The following MECOM variants were observed in gnomAD, a reference collection of about 807,000 sequenced individuals.
MECOM encodes MDS1 and EVI1 complex locus.
Under a neutral mutation model 116.3 loss-of-function variants are expected in MECOM, and 13 were observed. The ratio of observed to expected loss-of-function variants is 0.11; its 90% CI spans 0.07 to 0.18. MECOM has a LOEUF of 0.18. MECOM is among the 10% of genes least tolerant of loss of function. MECOM has a pLI of 1.00. For synonymous variants in MECOM, 528 were observed against 535.2 expected, an observed-to-expected ratio of 0.99 and a Z score of 0.19; for missense variants, 1,299 against 1,509.0, an observed-to-expected ratio of 0.86 and a Z score of 2.31.
intron 2 of MECOM, among the ~76,000 whole-genome samples, chr3:169,294,890 C>T (rs1442742031): frequency 1.3e-5 from 2 of 152,148 alleles, no homozygotes; most frequent in African/African-American, 4.8e-5. Flanking sequence ...CCCATGCCTG[C>T]TTCACTCACC....
chr3:169,129,547 G>C (rs986293679), intron 4 of MECOM, among the ~76,000 whole-genome samples: 1 of 151,876 alleles, frequency 6.6e-6, no homozygotes, highest in Non-Finnish European at 1.5e-5. Flanking sequence ...GGATTTAGAG[G>C]GTCGAGAGAG....
At chr3:169,560,452 T>A (rs1307862114) in intron 1 of MECOM, among the ~76,000 whole-genome samples, 1 of 152,186 alleles carries the variant, frequency 6.6e-6, no homozygotes, top group Non-Finnish European at 1.5e-5. Flanking sequence ...ACTTTTAATA[T>A]TTAACAATGC....
At chr3:169,573,141 CTCACCCTCTGCTTTCACAGACCTCT>C (rs1764118597) in intron 1 of MECOM, among the ~76,000 whole-genome samples, 1 of 152,192 alleles carries the variant, frequency 6.6e-6, no homozygotes, top group South Asian at 2.1e-4. Flanking sequence ...GCTTCTCCCC[CTCACCCTCTGCTTTCACAGACCTCT>C]TCCACATCAG....
intron 2 of MECOM, among the ~76,000 whole-genome samples, chr3:169,295,276 G>C (rs1715382017): frequency 6.6e-6 from 1 of 152,070 alleles, no homozygotes. Flanking sequence ...ATTTAAAAGG[G>C]TTAAAAAAAG....
At chr3:169,203,502 T>C (rs1749478656) in intron 2 of MECOM, among the ~76,000 whole-genome samples, 1 of 152,122 alleles carries the variant, frequency 6.6e-6, no homozygotes, top group Non-Finnish European at 1.5e-5. Context: ...TATAATAATG[T>C]CAATGAGGTA....
At chr3:169,542,873 C>A (rs944567370) in intron 1 of MECOM, among the ~76,000 whole-genome samples, 4 of 152,298 alleles carry the variant, frequency 2.6e-5, no homozygotes, top group East Asian at 3.9e-4. Context: ...AAAGTTGAAG[C>A]AACTCCAAAC....
intron 1 of MECOM, among the ~76,000 whole-genome samples, chr3:169,621,281 C>T (rs1048685797): frequency 9.2e-5 from 14 of 152,124 alleles, no homozygotes; most frequent in Admixed American, 2.0e-4. Context: ...ATAGAATGGG[C>T]ATATTAATAG....
intron 2 of MECOM, among the ~76,000 whole-genome samples, chr3:169,192,494 T>C (rs563357777): frequency 3.9e-5 from 6 of 152,046 alleles, no homozygotes; most frequent in Non-Finnish European, 8.8e-5. Flanking sequence ...TGCTATGTTC[T>C]ATTATCCTAT....
At chr3:169,096,960 C>A (rs1721679146) in intron 12 of MECOM, among the ~76,000 whole-genome samples, 1 of 36,280 alleles carries the variant, frequency 2.8e-5, no homozygotes, top group South Asian at 5.0e-4. Flanking sequence ...AATATTTTAG[C>A]CCCAGTTTTT....
chr3:169,507,137 G>A (rs1349827056), intron 1 of MECOM, among the ~76,000 whole-genome samples: 1 of 152,188 alleles, frequency 6.6e-6, no homozygotes, highest in African/African-American at 2.4e-5. Flanking sequence ...TATACATTGG[G>A]TGTTAGCACT....
Position 169,116,348 on chromosome 3 carries a change from A to C in MECOM, c.1524T>G (p.Ala508=). Residue 508 remains alanine (A), a synonymous_variant, in exon 8 of 17, where the codon GCT becomes GCG. Coordinates refer to ENST00000651503, the MANE Select transcript of MECOM (RefSeq NM_004991.4). ...GLYHRPPLIP[A]SSPVKGLSST... is the part of the protein sequence containing the mutation. ...TTGATAGTCCTTTAACAGGAGAACTAGCAGGTATCAAAGGAGGCCTGTGGT... is the reference window on the plus strand; with the variant it reads ...TTGATAGTCCTTTAACAGGAGAACTCGCAGGTATCAAAGGAGGCCTGTGGT... 1 of 1,614,242 alleles carries C rather than the reference A, an allele frequency of 6.2e-7. No individual in the cohort carries two copies. Among genetic ancestry groups the C allele is most frequent in the East Asian group, 2.2e-5 (1 of 44,886 alleles).
At chr3:169,599,974 T>G (rs1457752731) in intron 1 of MECOM, among the ~76,000 whole-genome samples, 1 of 152,172 alleles carries the variant, frequency 6.6e-6, no homozygotes, top group Non-Finnish European at 1.5e-5. Flanking sequence ...ACCTCTTGAC[T>G]TACTTTTTTT....
chr3:169,336,921 A>G (rs1487414642), intron 2 of MECOM, among the ~76,000 whole-genome samples: 1 of 152,196 alleles, frequency 6.6e-6, no homozygotes, highest in African/African-American at 2.4e-5. Context: ...TGATAGAAAC[A>G]TCTCAGTAAC....
intron 1 of MECOM, among the ~76,000 whole-genome samples, chr3:169,580,646 G>A (rs1431258673): frequency 2.0e-5 from 3 of 152,116 alleles, no homozygotes; most frequent in African/African-American, 7.2e-5. Flanking sequence ...GAGGCTGGGA[G>A]AGACTCTCAT....
intron 2 of MECOM, among the ~76,000 whole-genome samples, chr3:169,205,052 C>T (rs531246024): frequency 5.3e-5 from 8 of 152,280 alleles, no homozygotes; most frequent in Non-Finnish European, 1.2e-4. Flanking sequence ...GTTTAAATCA[C>T]TCCCTGTCTT....
At chr3:169,273,035 G>T (rs1473313394) in intron 2 of MECOM, among the ~76,000 whole-genome samples, 4 of 152,048 alleles carry the variant, frequency 2.6e-5, no homozygotes, top group African/African-American at 9.7e-5. Flanking sequence ...TCCAAACACA[G>T]AAATATGAAA....
At chr3:169,485,952 TGTAC>T (rs1752203379) in intron 1 of MECOM, among the ~76,000 whole-genome samples, 1 of 100,884 alleles carries the variant, frequency 9.9e-6, no homozygotes, top group Non-Finnish European at 1.9e-5. Context: ...TATGTATATA[TGTAC>T]ATATATACTA....
At chr3:169,408,217 G>A (rs1433703847) in intron 1 of MECOM, among the ~76,000 whole-genome samples, 1 of 152,152 alleles carries the variant, frequency 6.6e-6, no homozygotes, top group African/African-American at 2.4e-5. Context: ...GATATAAGAG[G>A]AGGCCAAGCA....
chr3:169,371,267 C>A (rs989958338), intron 2 of MECOM, among the ~76,000 whole-genome samples: 3 of 151,808 alleles, frequency 2.0e-5, no homozygotes, highest in South Asian at 4.2e-4. Flanking sequence ...CACAAAAAGA[C>A]AAATACTGCA....
Sources: allele counts gnomAD v4.1 joint callset (sites outside exome capture counted in the v4.1 genomes callset), GRCh38; gene constraint gnomAD v4.1.1; transcripts MANE v1.5; gene names NCBI Gene and HGNC (gene_info 2026-07-23, HGNC 2026-07-21).